Variants in RSPH14 observed in about 807,000 individuals in gnomAD.
The protein encoded by RSPH14 is rhabdoid tumor deletion region gene 1.
A neutral mutation model predicts 26.7 loss-of-function variants in RSPH14; 20 were observed. The observed-to-expected ratio is 0.75, with a 90% CI of 0.53 to 1.09. The LOEUF (loss-of-function observed/expected upper bound fraction) is 1.09, where lower values mean the gene tolerates loss of function less well. RSPH14 is among the 50% of genes least tolerant of loss of function. The pLI is 0.00. For synonymous variants in RSPH14, 177 were observed against 189.3 expected, an observed-to-expected ratio of 0.93 and a Z score of 0.53; for missense variants, 449 against 457.2, an observed-to-expected ratio of 0.98 and a Z score of 0.16.
At chr22:23,168,579 T>C in the RSPH14 span, among the ~76,000 whole-genome samples, 1 of 152,200 alleles carries the variant, frequency 6.6e-6, no homozygotes, top group Non-Finnish European at 1.5e-5. Context: ...TCCTCTGCCA[T>C]CTGCTGTGGC....
intron 4 of RSPH14, among the ~76,000 whole-genome samples, chr22:23,085,859 A>G (rs1360555175): frequency 6.6e-6 from 1 of 152,218 alleles, no homozygotes; most frequent in Non-Finnish European, 1.5e-5. Flanking sequence ...ACCCTTCCCC[A>G]GAGGAAGGTA....
chr22:23,102,537 T>A (rs1259998626), intron 4 of RSPH14, among the ~76,000 whole-genome samples: 1 of 152,132 alleles, frequency 6.6e-6, no homozygotes, highest in Non-Finnish European at 1.5e-5. Context: ...GGTAGGTCCT[T>A]GGTCAGAGGT....
At chr22:23,141,327 CAAAAAAAAAAA>C (rs35460609) in intron 1 of RSPH14, among the ~76,000 whole-genome samples, 3 of 82,322 alleles carry the variant, frequency 3.6e-5, no homozygotes, top group Non-Finnish European at 7.3e-5. Flanking sequence ...GACTCCGTCT[CAAAAAAAAAAA>C]AAAAAAAAAA....
chr22:23,157,926 C>G, the RSPH14 span: 1 of 1,607,874 alleles, frequency 6.2e-7, no homozygotes, highest in Non-Finnish European at 8.5e-7. Context: ...CTGGGCACCT[C>G]CTGGGGAGCC....
chr22:23,173,894 G>A, the RSPH14 span, among the ~76,000 whole-genome samples: 6 of 151,912 alleles, frequency 3.9e-5, no homozygotes, highest in African/African-American at 1.4e-4. Context: ...ATTTTTAGTA[G>A]AGACAGGGTT....
intron 4 of RSPH14, among the ~76,000 whole-genome samples, chr22:23,089,346 C>T (rs1309634873): frequency 1.3e-5 from 2 of 152,126 alleles, no homozygotes; most frequent in African/African-American, 2.4e-5. Flanking sequence ...TTGGGGACAG[C>T]CTGGAGGTTA....
chr22:23,124,154 G>A (rs2070107865), intron 4 of RSPH14: 1 of 228,654 alleles, frequency 4.4e-6, no homozygotes, highest in African/African-American at 2.4e-5. Context: ...CTAGTCTGAT[G>A]TTTTATAAAT....
upstream of RSPH14, chr22:23,145,266 A>G: frequency 2.9e-6 from 1 of 343,910 alleles, no homozygotes; most frequent in African/African-American, 3.6e-5. Flanking sequence ...CCACCCATCC[A>G]GCACCGCCCT....
chr22:23,097,613 G>GT (rs1209998458), intron 4 of RSPH14, among the ~76,000 whole-genome samples: 5 of 152,258 alleles, frequency 3.3e-5, no homozygotes, highest in Non-Finnish European at 5.9e-5. Context: ...CGTCCACCCT[G>GT]TTCCCAGTGT....
intron 4 of RSPH14, among the ~76,000 whole-genome samples, chr22:23,066,546 G>A (rs1337495648): frequency 6.6e-6 from 1 of 152,182 alleles, no homozygotes; most frequent in Non-Finnish European, 1.5e-5. Context: ...GAGACAGAGG[G>A]AGAAGATTAA....
At chr22:23,069,338 C>G (rs2068283505) in intron 4 of RSPH14, among the ~76,000 whole-genome samples, 1 of 152,164 alleles carries the variant, frequency 6.6e-6, no homozygotes, top group African/African-American at 2.4e-5. Flanking sequence ...CAGGGATGCT[C>G]TAGGATACAC....
chr22:23,124,035 A>G (rs2070105672), intron 4 of RSPH14: 2 of 234,368 alleles, frequency 8.5e-6, no homozygotes, highest in South Asian at 9.2e-5. Flanking sequence ...AGCCACTCAC[A>G]GCTCTTTTTA....
At chr22:23,125,608 C>A (rs2070164546) in intron 4 of RSPH14, among the ~76,000 whole-genome samples, 1 of 152,188 alleles carries the variant, frequency 6.6e-6, no homozygotes, top group Non-Finnish European at 1.5e-5. Flanking sequence ...GCGAACCAGG[C>A]ACGGAGCCGG....
In RSPH14 at chr22:23,071,801, C is replaced by T. The variant is rs779461947; in HGVS notation, c.422-7668G>A. ...GACATTTGAACTGGAGCTTGAAGGACATGGGCACAGCTAAGCTGGGCATTG... is the reference window on the plus strand; with the variant it reads ...GACATTTGAACTGGAGCTTGAAGGATATGGGCACAGCTAAGCTGGGCATTG... On this transcript the variant is annotated intron_variant, in intron 4 of 6. Coordinates refer to ENST00000216036, the MANE Select transcript of RSPH14 (RefSeq NM_014433.3). This position sits in a 1 kb window ranked among gnomAD's most constrained non-coding sequence, Gnocchi z 4.1. Among the ~76,000 whole-genome samples the T allele has an allele frequency of 1.3e-5, 2 of 152,168 alleles. No homozygotes were observed. The highest frequency in any genetic ancestry group is 2.9e-5 in the Non-Finnish European group (2 of 68,030).
At chr22:23,132,474 C>G (rs2070375846) in intron 4 of RSPH14, among the ~76,000 whole-genome samples, 1 of 152,188 alleles carries the variant, frequency 6.6e-6, no homozygotes, top group African/African-American at 2.4e-5. Flanking sequence ...AACATTGCCT[C>G]TGGGACGGGC....
chr22:23,080,427 G>T (rs2068643782), intron 4 of RSPH14, among the ~76,000 whole-genome samples: 1 of 152,182 alleles, frequency 6.6e-6, no homozygotes, highest in South Asian at 2.1e-4. Flanking sequence ...GCCCAGCCGG[G>T]GCATAGCCTG....
At chr22:23,096,185 G>A (rs765527032) in intron 4 of RSPH14, 3 of 1,613,286 alleles carry the variant, frequency 1.9e-6, no homozygotes, top group Non-Finnish European at 2.5e-6. Flanking sequence ...GGAGCGCATC[G>A]CCGCAGCTGA....
chr22:23,136,922 C>T (rs2070493982), intron 3 of RSPH14, among the ~76,000 whole-genome samples: 1 of 138,740 alleles, frequency 7.2e-6, no homozygotes, highest in African/African-American at 2.6e-5. Context: ...GCCCAGATCA[C>T]AGAGCAGGAA....
the RSPH14 span, among the ~76,000 whole-genome samples, chr22:23,176,559 C>T: frequency 6.6e-6 from 1 of 152,164 alleles, no homozygotes. Context: ...TCCTTTGACT[C>T]CGCCAGACTT....
Sources: allele counts gnomAD v4.1 joint callset (sites outside exome capture counted in the v4.1 genomes callset), GRCh38; gene constraint gnomAD v4.1.1; non-coding constraint Gnocchi (gnomAD v3.1); transcripts MANE v1.5; gene names NCBI Gene and HGNC (gene_info 2026-07-23, HGNC 2026-07-21).